ROS1: variants seen among roughly 807,000 people sequenced by gnomAD.
ROS1 encodes ROS proto-oncogene 1, receptor tyrosine kinase, also known as proto-oncogene tyrosine-protein kinase ROS.
A neutral mutation model predicts 273.5 loss-of-function variants in ROS1; 263 were observed. That is an observed-to-expected ratio of 0.96 (90% CI 0.87 to 1.06). The LOEUF is 1.06. ROS1 is among the 50% of genes least tolerant of loss of function. The pLI is 0.00. For missense variants in ROS1, 2,833 were observed against 2,751.1 expected, an observed-to-expected ratio of 1.03 and a Z score of -0.67; for synonymous variants, 1,008 against 954.1, an observed-to-expected ratio of 1.06 and a Z score of -1.04.
At chr6:117,297,639 T>G (rs1382280343) in intron 43 of ROS1, among the ~76,000 whole-genome samples, 1 of 152,200 alleles carries the variant, frequency 6.6e-6, no homozygotes, top group Admixed American at 6.5e-5. Context: ...TCCCTAATCA[T>G]CGGCGAAATG....
At position 117,319,980 on chromosome 6, in the gene ROS1, T is replaced by C; in HGVS notation, c.5810A>G (p.Glu1937Gly). ...EIENLPAFPR[E>G]KLTLRLLLGS... ...CAGCAAGAGACGCAGAGTCAGTTTT[T>C]CCCGAGGGAAGGCAGGAAGATTTTC... Residue 1937 changes from glutamate (E) to glycine (G), a missense_variant, in exon 37 of 44, where the codon GAA becomes GGA. By Grantham distance (98) the Glu-to-Gly change is moderately conservative. Coordinates refer to ENST00000368507, the MANE Select transcript of ROS1 (RefSeq NM_001378902.1). The C allele has an allele frequency of 6.2e-7, 1 of 1,613,500 alleles. No individual in the cohort carries two copies. The highest frequency in any genetic ancestry group is 2.2e-5 in the East Asian group (1 of 44,858).
chr6:117,341,266 GATGACTCTCTGT>G lies in ROS1; in HGVS notation c.4918_4929del (p.Thr1640_His1643del). ...GTGTTAAACATTTCCACAGTGACAG[GATGACTCTCTGT>G]ACACCACATTTCCTCAGAGTGGCAG... On this transcript the variant is annotated inframe_deletion, in exon 31 of 44. Coordinates refer to ENST00000368507, the MANE Select transcript of ROS1 (RefSeq NM_001378902.1). 6.2e-7 allele frequency: 1 copy of G among 1,613,588 alleles called. No homozygotes were observed. Among genetic ancestry groups the G allele is most frequent in the Non-Finnish European group, 8.5e-7 (1 of 1,179,618 alleles).
At chr6:117,361,707 C>T (rs1320906257) in intron 22 of ROS1, among the ~76,000 whole-genome samples, 1 of 151,316 alleles carries the variant, frequency 6.6e-6, no homozygotes, top group African/African-American at 2.4e-5. Context: ...TATATGTAGA[C>T]AACAAATTAT....
At chr6:117,398,282 AAC>A (rs1773660430) in intron 7 of ROS1, among the ~76,000 whole-genome samples, 4 of 94,710 alleles carry the variant, frequency 4.2e-5, no homozygotes, top group African/African-American at 3.4e-4. Flanking sequence ...CCGAAAAAAA[AAC>A]AACAACACAA....
intron 16 of ROS1, among the ~76,000 whole-genome samples, chr6:117,384,769 G>C (rs1232234949): frequency 6.6e-6 from 1 of 152,190 alleles, no homozygotes; most frequent in Non-Finnish European, 1.5e-5. Context: ...CTAGGCTGAA[G>C]GGTTGTTGTC....
chr6:117,309,809 C>T (rs1425991626), intron 41 of ROS1, among the ~76,000 whole-genome samples: 1 of 152,034 alleles, frequency 6.6e-6, no homozygotes, highest in Admixed American at 6.6e-5. Context: ...TCCTATTAGT[C>T]ATAGGCTTTT....
At chr6:117,316,627 T>C (rs1265500806) in intron 39 of ROS1, among the ~76,000 whole-genome samples, 2 of 151,964 alleles carry the variant, frequency 1.3e-5, no homozygotes, top group Non-Finnish European at 2.9e-5. Context: ...TTTGTTAGCA[T>C]GGATGTAGGG....
intron 32 of ROS1, among the ~76,000 whole-genome samples, chr6:117,332,634 TAACA>T (rs1390723292): frequency 1.3e-5 from 2 of 152,138 alleles, no homozygotes; most frequent in Non-Finnish European, 2.9e-5. Context: ...GCTGAAATCA[TAACA>T]AACAGTCTCT....
intron 22 of ROS1, among the ~76,000 whole-genome samples, chr6:117,360,864 A>G (rs1779742147): frequency 6.6e-6 from 1 of 152,146 alleles, no homozygotes; most frequent in African/African-American, 2.4e-5. Flanking sequence ...ACAGAAATAA[A>G]ACTGTACAAA....
At chr6:117,300,913 T>A in intron 43 of ROS1, 61 bp downstream of exon 43, 2 of 1,339,338 alleles carry the variant, frequency 1.5e-6, no homozygotes, top group South Asian at 1.8e-5. Flanking sequence ...TACATTCCAT[T>A]TTAACTTTGT....
intron 11 of ROS1, among the ~76,000 whole-genome samples, chr6:117,393,683 CTG>C (rs1157381461): frequency 6.6e-6 from 1 of 152,188 alleles, no homozygotes; most frequent in Non-Finnish European, 1.5e-5. Context: ...CATGTCAAGA[CTG>C]TGTCTTCATC....
intron 27 of ROS1, among the ~76,000 whole-genome samples, chr6:117,347,567 C>T (rs1778481863): frequency 6.6e-6 from 1 of 151,854 alleles, no homozygotes; most frequent in Non-Finnish European, 1.5e-5. Context: ...TATTGTATAC[C>T]TTTTCTTGTA....
At chr6:117,390,671 A>AT (rs551466836) in intron 12 of ROS1, among the ~76,000 whole-genome samples, 2 of 152,162 alleles carry the variant, frequency 1.3e-5, no homozygotes, top group South Asian at 2.1e-4. Flanking sequence ...CAGTGGACTA[A>AT]TTTTTTTTAA....
At position 117,344,153 on chromosome 6, in the gene ROS1, C is replaced by G. The variant is rs929759630; in HGVS notation, c.4413G>C (p.Trp1471Cys). 6.2e-7 allele frequency: 1 copy of G among 1,613,938 alleles called. No individual in the cohort carries two copies. Residue 1471 changes from tryptophan to cysteine, a missense_variant, in exon 28 of 44, where the codon TGG becomes TGC. Transcript: ENST00000368507. ...RLPLAKTNLT[W>C]YGITSPTPTY... ...TTGGAGTAGGGCTGGTGATGCCATACCATGTGAGGTTTGTCTTGGCCAGAG... is the reference window on the plus strand; with the variant it reads ...TTGGAGTAGGGCTGGTGATGCCATAGCATGTGAGGTTTGTCTTGGCCAGAG...
chr6:117,391,928 G>A (rs1391695292), intron 12 of ROS1, among the ~76,000 whole-genome samples: 1 of 152,108 alleles, frequency 6.6e-6, no homozygotes, highest in East Asian at 1.9e-4. Flanking sequence ...CACACATTCA[G>A]TATAAATACT....
At chr6:117,329,000 A>T (rs1443543818) in intron 33 of ROS1, among the ~76,000 whole-genome samples, 6 of 152,272 alleles carry the variant, frequency 3.9e-5, no homozygotes, top group Admixed American at 1.3e-4. Flanking sequence ...ACATGCCATC[A>T]TTATTTAACA....
chr6:117,317,385 C>T (rs1775996305), intron 38 of ROS1, 113 bp from the exon 39 acceptor site: 6 of 1,221,898 alleles, frequency 4.9e-6, no homozygotes, highest in Admixed American at 4.9e-5. Context: ...AAACCCCTGA[C>T]TTAGTGTCTC....
chr6:117,421,670 G>A (rs538849835), intron 1 of ROS1, among the ~76,000 whole-genome samples: 14 of 152,232 alleles, frequency 9.2e-5, no homozygotes, highest in Admixed American at 2.0e-4. Flanking sequence ...TCAGTTGATG[G>A]ACACTTATAC....
rs1302156491 is a variant in ROS1 at position 117,287,593 on chromosome 6, T to A, written c.*899A>T. Reference sequence around the variant, plus strand: ...ATGACTGAATCTACTGTTGTAAGCCTCAAAACTACAAAATATTTTACAGTA... The same window carrying A: ...ATGACTGAATCTACTGTTGTAAGCCACAAAACTACAAAATATTTTACAGTA... On this transcript the variant is annotated 3_prime_UTR_variant, in exon 44 of 44. Coordinates refer to ENST00000368507, the MANE Select transcript of ROS1 (RefSeq NM_001378902.1). Among the ~76,000 whole-genome samples the A allele has an allele frequency of 6.6e-6, 1 of 152,136 alleles. No individual in the cohort carries two copies. The highest frequency in any genetic ancestry group is 1.5e-5 in the Non-Finnish European group (1 of 68,024).
Sources: gnomAD v4.1 joint callset for allele counts (sites outside exome capture counted in the v4.1 genomes callset) on GRCh38, gnomAD v4.1.1 for gene constraint, MANE v1.5 for transcripts, NCBI Gene and HGNC (gene_info 2026-07-23, HGNC 2026-07-21) for gene names.